The following EBF3 variants were observed in gnomAD, a reference collection of about 807,000 sequenced individuals.
The protein encoded by EBF3 is transcription factor COE3.
EBF3 carries 18 observed loss-of-function variants against 77.1 expected under a neutral mutation model. The ratio of observed to expected loss-of-function variants is 0.23; its 90% CI spans 0.16 to 0.35. The LOEUF is 0.35. EBF3 is among the 10% of genes least tolerant of loss of function. EBF3 has a pLI of 1.00. For synonymous variants in EBF3, 350 were observed against 343.5 expected (o/e 1.02, Z -0.21); for missense variants, 558 against 860.0 (o/e 0.65, Z 4.39).
In EBF3 at chr10:129,963,613, C is replaced by A. The variant is rs778131485; in HGVS notation, c.134+22G>T. Reference sequence around the variant, plus strand: ...CCGGGCCGGGGCCGGGGCCAGGGCGCGCGGGGGCGGCCGGTACGTACCTCT... The same window carrying A: ...CCGGGCCGGGGCCGGGGCCAGGGCGAGCGGGGGCGGCCGGTACGTACCTCT... On this transcript the variant is annotated intron_variant, in intron 1 of 16. Transcript: ENST00000440978. This position sits in a 1 kb window ranked among gnomAD's most constrained non-coding sequence, Gnocchi z 7.1. The A allele has an allele frequency of 6.6e-5, 87 of 1,323,128 alleles. 2 individuals are homozygous for A. Among genetic ancestry groups the A allele is most frequent in the Non-Finnish European group, 8.1e-5 (83 of 1,020,212 alleles). 82.0% of individuals were successfully genotyped at this position (1,323,128 alleles called of 1,614,324 possible). A position where few individuals can be genotyped will look rare whatever the true frequency, so the allele number is the denominator to read the frequency against.
At chr10:129,945,990 G>A (rs1337667528) in intron 6 of EBF3, among the ~76,000 whole-genome samples, 2 of 149,048 alleles carry the variant, frequency 1.3e-5, no homozygotes, top group Admixed American at 6.7e-5. Context: ...CCACTCGTTA[G>A]AAGATATCGC....
intron 6 of EBF3, among the ~76,000 whole-genome samples, chr10:129,896,955 C>T (rs1419980200): frequency 6.6e-6 from 1 of 152,110 alleles, no homozygotes. Context: ...AGGGAAAGAG[C>T]CTTGTAGCCA....
Position 129,962,961 on chromosome 10 carries a change from G to T in EBF3, c.336C>A (p.Leu112=). ...ACTTACCGTTGCTGTACAATAACTG[G>T]AGTTTATAGTGGATGCCGTTGTTGG... ...EKTNNGIHYK[L]QLLYSNGVRT... is the part of the protein sequence containing the mutation. Residue 112 remains leucine (L), a synonymous_variant, in exon 3 of 17, where the codon CTC becomes CTA. Transcript: ENST00000440978. 5.0e-6 allele frequency: 8 copies of T among 1,614,144 alleles called. No homozygotes were observed. Among genetic ancestry groups the T allele is most frequent in the Non-Finnish European group, 6.8e-6 (8 of 1,180,008 alleles).
Position 129,938,096 on chromosome 10 carries a change from C to T in EBF3, c.554+19162G>A, listed in dbSNP as rs758211248. On this transcript the variant is annotated intron_variant, in intron 6 of 16. Transcript: ENST00000440978. This position sits in a 1 kb window ranked among gnomAD's most constrained non-coding sequence, Gnocchi z 5.1. ...ACCACGCAAACTGTAAAGAGACCAC[C>T]ATGTCCTTCAGCAGCACCTGGCAGG... Among the ~76,000 whole-genome samples, 55 of 152,152 alleles carry T rather than the reference C, an allele frequency of 3.6e-4. No individual in the cohort carries two copies. Among genetic ancestry groups the T allele is most frequent in the Admixed American group, 3.9e-4 (6 of 15,288 alleles).
At position 129,964,222 on chromosome 10, in the gene EBF3, G is replaced by T; in HGVS notation, c.-454C>A. On this transcript the variant is annotated 5_prime_UTR_variant, in exon 1 of 17. Transcript: ENST00000440978. This position sits in a 1 kb window ranked among gnomAD's most constrained non-coding sequence, Gnocchi z 4.5. ...GCGGGGCGCGGCGGGGCCTGGAGCGGCGCGCGCAGCGGACGGAGGCGCACA... is the reference window on the plus strand; with the variant it reads ...GCGGGGCGCGGCGGGGCCTGGAGCGTCGCGCGCAGCGGACGGAGGCGCACA... The T allele has an allele frequency of 1.0e-6, 1 of 984,986 alleles. No individual in the cohort carries two copies. Among genetic ancestry groups the T allele is most frequent in the South Asian group, 4.7e-5 (1 of 21,292 alleles). The allele number at this position is 984,986 out of a possible 1,614,324, so 61.0% of individuals were successfully genotyped here. A position where few individuals can be genotyped will look rare whatever the true frequency, so the allele number is the denominator to read the frequency against.
rs7077113 is a variant in EBF3 at position 129,884,458 on chromosome 10, G to A, written c.555-6609C>T. 4.7e-3 allele frequency among the ~76,000 whole-genome samples: 711 copies of A among 152,216 alleles called. 9 individuals are homozygous for A. Among genetic ancestry groups the A allele is most frequent in the African/African-American group, 0.016 (678 of 41,522 alleles). Reference sequence around the variant, plus strand: ...GGGCTCACGTTCTTTAATGCCATACGGGAGAAAAAATCTGCTCCATTAGTC... The same window carrying A: ...GGGCTCACGTTCTTTAATGCCATACAGGAGAAAAAATCTGCTCCATTAGTC... On this transcript the variant is annotated intron_variant, in intron 6 of 16. Coordinates refer to ENST00000440978, the MANE Select transcript of EBF3 (RefSeq NM_001375380.1).
chr10:129,963,671 G>A lies in EBF3; in HGVS notation c.98C>T (p.Thr33Met). ...CGTGTTGGCGTCCACCACGCCCGCCGTGTGCATCCACGAGCGCACCGGGTT... is the reference window on the plus strand; with the variant it reads ...CGTGTTGGCGTCCACCACGCCCGCCATGTGCATCCACGAGCGCACCGGGTT... The part of the protein sequence containing the change: ...GMNPVRSWMH[T>M]AGVVDANTAA... Residue 33 changes from threonine (T) to methionine (M), a missense_variant, in exon 1 of 17, where the codon ACG becomes ATG. By Grantham distance (81) the Thr-to-Met change is moderately conservative (BLOSUM62 -1). This residue lies in a region of EBF3 where 64 missense variants were observed against 54.5 expected (regional missense o/e 1.18). Transcript: ENST00000440978. The surrounding 1 kb of genome is among the most constrained non-coding windows in gnomAD (Gnocchi z 7.1). 6.6e-7 allele frequency: 1 copy of A among 1,510,022 alleles called. No individual in the cohort carries two copies. Among genetic ancestry groups the A allele is most frequent in the Non-Finnish European group, 8.9e-7 (1 of 1,121,780 alleles). 93.5% of individuals were successfully genotyped at this position (1,510,022 alleles called of 1,614,324 possible).
intron 6 of EBF3, among the ~76,000 whole-genome samples, chr10:129,895,574 A>G (rs1177436830): frequency 6.6e-6 from 1 of 152,202 alleles, no homozygotes; most frequent in African/African-American, 2.4e-5. Flanking sequence ...CAGGGGACAA[A>G]GGAGTGAATC....
intron 6 of EBF3, among the ~76,000 whole-genome samples, chr10:129,925,525 G>C (rs1856607110): frequency 6.6e-6 from 1 of 150,432 alleles, no homozygotes; most frequent in African/African-American, 2.5e-5. Flanking sequence ...CCGGGAGGCA[G>C]AGGTTACAGT....
intron 6 of EBF3, among the ~76,000 whole-genome samples, chr10:129,940,299 G>T (rs1589914099): frequency 6.6e-6 from 1 of 152,158 alleles, no homozygotes; most frequent in East Asian, 1.9e-4. Context: ...AGAAAGCCAT[G>T]AGAGAAGGGG....
intron 6 of EBF3, among the ~76,000 whole-genome samples, chr10:129,934,799 C>T (rs1229140432): frequency 6.6e-6 from 1 of 152,130 alleles, no homozygotes; most frequent in Non-Finnish European, 1.5e-5. Context: ...CACAGTCAGG[C>T]CTGCAGTCAC....
At chr10:129,910,014 G>A (rs1235244708) in intron 6 of EBF3, among the ~76,000 whole-genome samples, 1 of 152,200 alleles carries the variant, frequency 6.6e-6, no homozygotes, top group African/African-American at 2.4e-5. Flanking sequence ...TGACAGATCC[G>A]CCGACACCAG....
intron 6 of EBF3, among the ~76,000 whole-genome samples, chr10:129,928,739 G>A (rs999753932): frequency 2.7e-4 from 41 of 152,344 alleles, no homozygotes; most frequent in African/African-American, 9.9e-4. Context: ...CACTAGGTCA[G>A]AGAAGGCCAG....
chr10:129,953,632 C>A (rs1858834131), intron 6 of EBF3, among the ~76,000 whole-genome samples: 1 of 152,222 alleles, frequency 6.6e-6, no homozygotes, highest in Admixed American at 6.5e-5. Context: ...GAGCCCGCTC[C>A]CAGCGCTGCA....
chr10:129,862,367 T>C (rs180723288), intron 10 of EBF3, among the ~76,000 whole-genome samples: 124 of 152,278 alleles, frequency 8.1e-4, no homozygotes, highest in Admixed American at 1.7e-3. Flanking sequence ...CTGTGTCCAC[T>C]TCGGATGTGG....
chr10:129,940,555 A>T lies in EBF3; in HGVS notation c.554+16703T>A, dbSNP rs1442911840. 4.6e-5 allele frequency among the ~76,000 whole-genome samples: 7 copies of T among 152,236 alleles called. 1 individual carries two copies. The highest frequency in any genetic ancestry group is 1.0e-4 in the Non-Finnish European group (7 of 68,036). The stretch of plus-strand genomic sequence containing the variant: ...ATCTGAGGAAATGACAGTCATTATA[A>T]TAAGAGGGCTGTGAGAGGCATACCT... On this transcript the variant is annotated intron_variant, in intron 6 of 16. Transcript: ENST00000440978.
intron 6 of EBF3, among the ~76,000 whole-genome samples, chr10:129,906,992 A>C (rs1049998045): frequency 6.6e-6 from 1 of 152,230 alleles, no homozygotes; most frequent in Admixed American, 6.5e-5. Flanking sequence ...AAGTTGCCAC[A>C]GTTCAAACTT....
intron 6 of EBF3, among the ~76,000 whole-genome samples, chr10:129,880,362 C>T (rs1853112850): frequency 6.7e-6 from 1 of 148,770 alleles, no homozygotes; most frequent in Non-Finnish European, 1.5e-5. Context: ...GACACACATG[C>T]CCACATGCCC....
chr10:129,841,118 T>C lies in EBF3; in HGVS notation c.1373-86A>G, dbSNP rs918634954. Reference sequence around the variant, plus strand: ...GGGTTCCCCGAGAATCTATATCATATATTAACATTGCTAATTGACCCTGTG... The same window carrying C: ...GGGTTCCCCGAGAATCTATATCATACATTAACATTGCTAATTGACCCTGTG... On this transcript the variant is annotated intron_variant, in intron 13 of 16. Transcript: ENST00000440978. The surrounding 1 kb of genome is among the most constrained non-coding windows in gnomAD (Gnocchi z 4.6). 1 of 1,518,718 alleles carries C rather than the reference T, an allele frequency of 6.6e-7. No individual in the cohort carries two copies. Among genetic ancestry groups the C allele is most frequent in the Non-Finnish European group, 8.9e-7 (1 of 1,125,528 alleles). The allele number at this position is 1,518,718 out of a possible 1,614,324, so 94.1% of individuals were successfully genotyped here.
Sources: gnomAD v4.1 joint callset for allele counts (sites outside exome capture counted in the v4.1 genomes callset) on GRCh38, gnomAD v4.1.1 for gene constraint, gnomAD v4.1.1 regional missense constraint, Gnocchi (gnomAD v3.1) non-coding constraint, MANE v1.5 for transcripts, NCBI Gene and HGNC (gene_info 2026-07-23, HGNC 2026-07-21) for gene names.